EPHA7: variants seen among roughly 807,000 people sequenced by gnomAD.
EPHA7 encodes the protein ephrin type-A receptor 7.
In EPHA7, 25 loss-of-function variants were observed where a neutral mutation model predicts 112.6. The observed-to-expected ratio is 0.22, with a 90% CI of 0.16 to 0.31. The LOEUF (loss-of-function observed/expected upper bound fraction) is 0.31, where lower values mean the gene tolerates loss of function less well. Ranked by LOEUF, EPHA7 falls within the 10% of genes least tolerant of loss-of-function variation. The pLI, the probability that EPHA7 is intolerant of heterozygous loss-of-function variation, is 1.00. For missense variants in EPHA7, 962 were observed against 1,212.6 expected (o/e 0.79, Z 3.07); for synonymous variants, 437 against 406.5 (o/e 1.07, Z -0.90).
chr6:93,254,353 T>G (rs887716112), intron 14 of EPHA7, among the ~76,000 whole-genome samples: 26 of 152,148 alleles, frequency 1.7e-4, no homozygotes, highest in Non-Finnish European at 1.5e-5. Flanking sequence ...CCACTCCAGC[T>G]GTGCAAGTGT....
intron 3 of EPHA7, among the ~76,000 whole-genome samples, chr6:93,359,874 G>GAGAGAGAGAGAGAGAGATAGAT (rs1462833873): frequency 1.3e-4 from 16 of 127,934 alleles, no homozygotes; most frequent in Non-Finnish European, 2.0e-4. Context: ...GAGAGAGAGA[G>GAGAGAGAGAGAGAGAGATAGAT]AGATAGATAG....
chr6:93,305,724 C>T (rs1015917825), intron 5 of EPHA7, among the ~76,000 whole-genome samples: 19 of 151,982 alleles, frequency 1.3e-4, no homozygotes, highest in African/African-American at 4.6e-4. Flanking sequence ...TAATTTATTT[C>T]ATTACCTACG....
intron 3 of EPHA7, among the ~76,000 whole-genome samples, chr6:93,359,387 A>G: frequency 6.7e-6 from 1 of 150,138 alleles, no homozygotes; most frequent in East Asian, 2.0e-4. Flanking sequence ...TATATATTGA[A>G]GACATTCAAT....
chr6:93,322,531 C>G (rs2127886657), intron 5 of EPHA7, among the ~76,000 whole-genome samples: 1 of 151,598 alleles, frequency 6.6e-6, no homozygotes, highest in East Asian at 1.9e-4. Context: ...TAATTAATTT[C>G]TAAGTCTGGA....
intron 5 of EPHA7, among the ~76,000 whole-genome samples, chr6:93,315,877 T>C (rs1341504347): frequency 2.0e-5 from 3 of 152,188 alleles, no homozygotes; most frequent in African/African-American, 7.2e-5. Flanking sequence ...ATCCACAGTT[T>C]ATGTTCTATT....
At chr6:93,411,935 C>A (rs1174532478) in intron 2 of EPHA7, among the ~76,000 whole-genome samples, 1 of 151,800 alleles carries the variant, frequency 6.6e-6, no homozygotes, top group Non-Finnish European at 1.5e-5. Flanking sequence ...TAAAAATGTC[C>A]ATTTATATGT....
intron 5 of EPHA7, among the ~76,000 whole-genome samples, chr6:93,355,641 G>C (rs1385435552): frequency 6.6e-6 from 1 of 152,150 alleles, no homozygotes; most frequent in Non-Finnish European, 1.5e-5. Flanking sequence ...TGAAAAGACT[G>C]AGAAAGCCCC....
In EPHA7 at chr6:93,387,920, TAGAC is replaced by T. The variant is rs59997610; in HGVS notation, c.832+22577_832+22580del. On this transcript the variant is annotated intron_variant, in intron 3 of 16. Transcript: ENST00000369303. ...ATAAAGCCAGACCATCTTAGATAGA[TAGAC>T]AGATAGATAGATAGATAGATAGATA... Among the ~76,000 whole-genome samples, 11 of 127,860 alleles carry T rather than the reference TAGAC, an allele frequency of 8.6e-5. No individual in the cohort carries two copies. The East Asian group carries it at 1.2e-3, about 14-fold the overall frequency. 83.9% of individuals were successfully genotyped at this position (127,860 alleles called of 152,430 possible).
chr6:93,376,574 G>C (rs916307953), intron 3 of EPHA7, among the ~76,000 whole-genome samples: 2 of 152,208 alleles, frequency 1.3e-5, no homozygotes, highest in African/African-American at 4.8e-5. Context: ...TGAAATACAT[G>C]TAGCTGATTG....
Position 93,368,378 on chromosome 6 carries a change from G to T in EPHA7, c.833-9967C>A, listed in dbSNP as rs569443600. Among the ~76,000 whole-genome samples the T allele has an allele frequency of 3.3e-5, 5 of 152,182 alleles. No homozygotes were observed. The East Asian group carries it at 9.7e-4, about 29-fold the overall frequency. On this transcript the variant is annotated intron_variant, in intron 3 of 16. Coordinates refer to ENST00000369303, the MANE Select transcript of EPHA7 (RefSeq NM_004440.4). ...CTCAGCACAGGTAGACATGCAGGAA[G>T]TGTGCAGGGACACATTATTGACCAA...
At chr6:93,350,558 A>G (rs1775638089) in intron 5 of EPHA7, among the ~76,000 whole-genome samples, 1 of 152,034 alleles carries the variant, frequency 6.6e-6, no homozygotes, top group Admixed American at 6.6e-5. Context: ...TGTCATATAG[A>G]TCATTCATCC....
At chr6:93,257,721 AACC>A (rs1337275676) in intron 11 of EPHA7, among the ~76,000 whole-genome samples, 198 bp from the exon 12 acceptor site, 1 of 152,044 alleles carries the variant, frequency 6.6e-6, no homozygotes, top group Non-Finnish European at 1.5e-5. Flanking sequence ...CATAAAATTA[AACC>A]ATATAAATAA....
At chr6:93,337,255 G>A (rs894665886) in intron 5 of EPHA7, among the ~76,000 whole-genome samples, 2 of 152,164 alleles carry the variant, frequency 1.3e-5, no homozygotes, top group Non-Finnish European at 2.9e-5. Context: ...CAAAAGCAAG[G>A]TTCCAGTGAC....
chr6:93,268,265 G>A (rs373222402), intron 7 of EPHA7, among the ~76,000 whole-genome samples: 3 of 151,696 alleles, frequency 2.0e-5, no homozygotes, highest in East Asian at 3.9e-4. Context: ...TTCAGCATAC[G>A]TTTTTATTAT....
At chr6:93,302,573 G>C (rs907451054) in intron 5 of EPHA7, among the ~76,000 whole-genome samples, 9 of 152,136 alleles carry the variant, frequency 5.9e-5, no homozygotes, top group South Asian at 2.1e-4. Context: ...CTGAGATGTA[G>C]ACTGCTCTAC....
intron 5 of EPHA7, among the ~76,000 whole-genome samples, chr6:93,307,984 A>G (rs1483720387): frequency 6.6e-6 from 1 of 152,204 alleles, no homozygotes; most frequent in African/African-American, 2.4e-5. Context: ...TGTCATCACT[A>G]TCAGAATAAA....
At chr6:93,285,890 G>C (rs900638541) in intron 5 of EPHA7, among the ~76,000 whole-genome samples, 2 of 152,102 alleles carry the variant, frequency 1.3e-5, no homozygotes, top group African/African-American at 4.8e-5. Flanking sequence ...GCCATATCTG[G>C]CTAGCCACTT....
At chr6:93,380,200 A>G (rs1759547353) in intron 3 of EPHA7, among the ~76,000 whole-genome samples, 2 of 152,042 alleles carry the variant, frequency 1.3e-5, no homozygotes. Flanking sequence ...AACACATCAA[A>G]TCTAATAATA....
chr6:93,270,243 T>C (rs62414225), intron 6 of EPHA7, among the ~76,000 whole-genome samples: 5,971 of 151,582 alleles, frequency 0.039, 184 homozygotes, highest in Non-Finnish European at 0.064. Flanking sequence ...AAAGTTTAAA[T>C]ATATATGATT....
Sources: gnomAD v4.1 joint callset for allele counts (sites outside exome capture counted in the v4.1 genomes callset) on GRCh38, gnomAD v4.1.1 for gene constraint, MANE v1.5 for transcripts, NCBI Gene and HGNC (gene_info 2026-07-23, HGNC 2026-07-21) for gene names.